KLF12: variants seen among roughly 807,000 people sequenced by gnomAD.
KLF12 encodes Krueppel-like factor 12.
KLF12 carries 9 observed loss-of-function variants against 37.8 expected under a neutral mutation model. That is an observed-to-expected ratio of 0.24 (90% CI 0.14 to 0.42). The LOEUF is 0.42. Ranked by LOEUF, KLF12 falls within the 10% of genes least tolerant of loss-of-function variation. The pLI is 1.00. For synonymous variants in KLF12, 208 were observed against 202.1 expected, an observed-to-expected ratio of 1.03 and a Z score of -0.25; for missense variants, 411 against 516.0, an observed-to-expected ratio of 0.80 and a Z score of 1.97.
the KLF12 span, among the ~76,000 whole-genome samples, chr13:74,193,727 A>G: frequency 6.6e-6 from 1 of 152,228 alleles, no homozygotes; most frequent in Non-Finnish European, 1.5e-5. Context: ...GTCAAAAAAT[A>G]TGGAAGAAAC....
At chr13:74,197,909 G>A in the KLF12 span, among the ~76,000 whole-genome samples, 2 of 152,048 alleles carry the variant, frequency 1.3e-5, no homozygotes, top group Admixed American at 6.6e-5. Context: ...CATTGATCAG[G>A]CTTGCGTTTC....
At chr13:73,746,861 C>T (rs1440417356) in intron 6 of KLF12, among the ~76,000 whole-genome samples, 1 of 136,578 alleles carries the variant, frequency 7.3e-6, no homozygotes, top group Admixed American at 7.9e-5. Flanking sequence ...GTCGCCCAGG[C>T]TGGAGTGCAA....
At chr13:73,758,910 C>T (rs975680345) in intron 6 of KLF12, among the ~76,000 whole-genome samples, 13 of 152,104 alleles carry the variant, frequency 8.5e-5, no homozygotes, top group African/African-American at 3.1e-4. Context: ...AAAGTTCTTT[C>T]ATACGGTCAC....
intron 3 of KLF12, among the ~76,000 whole-genome samples, chr13:73,897,126 G>A (rs771408427): frequency 2.0e-5 from 3 of 151,898 alleles, no homozygotes; most frequent in Non-Finnish European, 4.4e-5. Flanking sequence ...TCATTTCTGA[G>A]TTATAGTGGA....
At chr13:74,253,038 C>CCTAT in the KLF12 span, among the ~76,000 whole-genome samples, 1 of 151,208 alleles carries the variant, frequency 6.6e-6, no homozygotes, top group Non-Finnish European at 1.5e-5. Flanking sequence ...TGTCTATCTA[C>CCTAT]CTATCTATCT....
intron 3 of KLF12, among the ~76,000 whole-genome samples, chr13:73,938,746 G>C (rs552454882): frequency 3.7e-4 from 57 of 152,264 alleles, no homozygotes; most frequent in Non-Finnish European, 7.2e-4. Context: ...CTGCCTCTAG[G>C]GAAAAGACTG....
At chr13:74,141,829 G>C in the KLF12 span, among the ~76,000 whole-genome samples, 3 of 152,192 alleles carry the variant, frequency 2.0e-5, no homozygotes, top group Non-Finnish European at 4.4e-5. Flanking sequence ...ACAGGAAGAA[G>C]GGTCTCTTGG....
At chr13:74,222,422 T>G in the KLF12 span, among the ~76,000 whole-genome samples, 1 of 152,124 alleles carries the variant, frequency 6.6e-6, no homozygotes, top group Non-Finnish European at 1.5e-5. Flanking sequence ...AGCACATGAG[T>G]GTGTTTCTGG....
chr13:73,924,578 A>G (rs1375141378), intron 3 of KLF12, among the ~76,000 whole-genome samples: 1 of 152,040 alleles, frequency 6.6e-6, no homozygotes, highest in Admixed American at 6.6e-5. Context: ...CATCTCCTCC[A>G]GCCCCCTATT....
chr13:73,805,615 AGGGAGGG>A (rs1566380026), intron 5 of KLF12, among the ~76,000 whole-genome samples: 28 of 37,030 alleles, frequency 7.6e-4, no homozygotes, highest in East Asian at 1.9e-3. Flanking sequence ...GAAGGAAGGG[AGGGAGGG>A]AGGGAGGGAG....
In KLF12 at chr13:73,714,815, T is replaced by G. The variant is rs569132086; in HGVS notation, c.1027+553A>C. Among the ~76,000 whole-genome samples, 15 of 152,284 alleles carry G rather than the reference T, an allele frequency of 9.9e-5. No homozygotes were observed. The South Asian group carries it at 3.1e-3, about 32-fold the overall frequency. On this transcript the variant is annotated intron_variant, in intron 7 of 7. Coordinates refer to ENST00000377669, the MANE Select transcript of KLF12 (RefSeq NM_007249.5). ...CAGTGAGTCAATTGTGGTATCAATTTCCTTTTCTGTAAACTGTCAATACTA... is the reference window on the plus strand; with the variant it reads ...CAGTGAGTCAATTGTGGTATCAATTGCCTTTTCTGTAAACTGTCAATACTA...
chr13:73,795,799 A>G lies in KLF12; in HGVS notation c.806+17353T>C, dbSNP rs555606887. On this transcript the variant is annotated intron_variant, in intron 5 of 7. Coordinates refer to ENST00000377669, the MANE Select transcript of KLF12 (RefSeq NM_007249.5). ...TACTCGGGACAAACCAAGACTCAACATAAACTTTGGGTTTACAATTTACAA... is the reference window on the plus strand; with the variant it reads ...TACTCGGGACAAACCAAGACTCAACGTAAACTTTGGGTTTACAATTTACAA... Among the ~76,000 whole-genome samples, 9 of 152,296 alleles carry G rather than the reference A, an allele frequency of 5.9e-5. No homozygotes were observed. The East Asian group carries it at 1.7e-3, about 29-fold the overall frequency.
intron 1 of KLF12, among the ~76,000 whole-genome samples, chr13:74,123,264 T>G (rs1350493808): frequency 6.6e-6 from 1 of 152,200 alleles, no homozygotes; most frequent in Non-Finnish European, 1.5e-5. Context: ...AAAAAGTTTT[T>G]GAAAGAAAAA....
At chr13:74,110,423 T>C (rs926610022) in intron 1 of KLF12, among the ~76,000 whole-genome samples, 7 of 152,236 alleles carry the variant, frequency 4.6e-5, no homozygotes, top group African/African-American at 1.7e-4. Context: ...TAACAAATAG[T>C]AACCCAATGT....
intron 4 of KLF12, among the ~76,000 whole-genome samples, chr13:73,831,013 C>CAG: frequency 8.7e-6 from 1 of 114,662 alleles, no homozygotes; most frequent in Non-Finnish European, 2.0e-5. Context: ...CACACACACA[C>CAG]ACACACACAC....
the KLF12 span, among the ~76,000 whole-genome samples, chr13:74,145,360 T>C: frequency 1.3e-5 from 2 of 152,248 alleles, no homozygotes; most frequent in Non-Finnish European, 2.9e-5. Context: ...GTTGTCATGA[T>C]ACAATTTGCT....
intron 1 of KLF12, among the ~76,000 whole-genome samples, chr13:74,110,238 T>C (rs1276757384): frequency 6.6e-6 from 1 of 152,182 alleles, no homozygotes; most frequent in African/African-American, 2.4e-5. Flanking sequence ...AGAGCTCAAG[T>C]TGCTTCCTAT....
chr13:73,866,241 C>G (rs547771828), intron 3 of KLF12, among the ~76,000 whole-genome samples: 2 of 152,188 alleles, frequency 1.3e-5, no homozygotes, highest in African/African-American at 4.8e-5. Flanking sequence ...GGCGACAGAG[C>G]AAGACTGCCT....
At chr13:73,944,130 G>A (rs1890317619) in intron 2 of KLF12, 60 bp from the exon 3 acceptor site, 1 of 1,001,716 alleles carries the variant, frequency 1.0e-6, no homozygotes, top group Non-Finnish European at 1.6e-6. Context: ...AGGACCTCTG[G>A]GAGAGTCTTC....
Sources: allele counts gnomAD v4.1 joint callset (sites outside exome capture counted in the v4.1 genomes callset), GRCh38; gene constraint gnomAD v4.1.1; transcripts MANE v1.5; gene names NCBI Gene and HGNC (gene_info 2026-07-23, HGNC 2026-07-21).